The following AGBL1 variants were observed in gnomAD, a reference collection of about 807,000 sequenced individuals.
The protein encoded by AGBL1 is cytosolic carboxypeptidase 4.
A neutral mutation model predicts 118.9 loss-of-function variants in AGBL1; 130 were observed. The observed-to-expected ratio is 1.09, with a 90% CI of 0.95 to 1.26. AGBL1 has a LOEUF of 1.26. Among genes scored for constraint, AGBL1 ranks in the 50% most tolerant of loss-of-function variants. The probability of loss-of-function intolerance (pLI) is 0.00; values close to 1 mark genes in which losing one functional copy is unlikely to be tolerated. For missense variants in AGBL1, 1,584 were observed against 1,298.1 expected (o/e 1.22, Z -3.38); for synonymous variants, 555 against 478.9 (o/e 1.16, Z -2.08).
chr15:86,101,478 C>G (rs955389663), intron 1 of AGBL1, among the ~76,000 whole-genome samples: 6 of 151,854 alleles, frequency 4.0e-5, no homozygotes, highest in African/African-American at 7.3e-5. Context: ...CTGAAGTCCC[C>G]AACTATTATT....
At chr15:86,273,544 A>G (rs989496851) in intron 15 of AGBL1, among the ~76,000 whole-genome samples, 4 of 152,174 alleles carry the variant, frequency 2.6e-5, no homozygotes, top group African/African-American at 9.7e-5. Context: ...GCCTCTCTCA[A>G]TTGTAAAATG....
chr15:86,686,040 T>G (rs2142582776), intron 22 of AGBL1, among the ~76,000 whole-genome samples: 1 of 152,342 alleles, frequency 6.6e-6, no homozygotes, highest in Non-Finnish European at 1.5e-5. Context: ...GCAAAACTAG[T>G]TAGCCTGCCT....
At chr15:86,216,921 C>A (rs550685566) in intron 5 of AGBL1, among the ~76,000 whole-genome samples, 7 of 152,292 alleles carry the variant, frequency 4.6e-5, no homozygotes, top group Non-Finnish European at 1.0e-4. Context: ...GCTATTGTCA[C>A]CTTACAGTGT....
At chr15:86,727,415 T>C (rs1237584913) in intron 22 of AGBL1, among the ~76,000 whole-genome samples, 1 of 152,148 alleles carries the variant, frequency 6.6e-6, no homozygotes, top group South Asian at 2.1e-4. Context: ...TATCATTAAT[T>C]TTTTTTAAAT....
chr15:86,124,424 T>C (rs1297947898), intron 1 of AGBL1, among the ~76,000 whole-genome samples: 7 of 152,114 alleles, frequency 4.6e-5, no homozygotes, highest in South Asian at 2.1e-4. Context: ...TTTTTTAGTT[T>C]TGACAAATGT....
intron 21 of AGBL1, among the ~76,000 whole-genome samples, chr15:86,583,176 G>A (rs965517754): frequency 5.9e-5 from 9 of 151,864 alleles, no homozygotes; most frequent in African/African-American, 1.9e-4. Flanking sequence ...CAACTTTTAT[G>A]TTAGAGTCAG....
chr15:86,591,650 T>C (rs1250508780), intron 21 of AGBL1, among the ~76,000 whole-genome samples: 2 of 152,234 alleles, frequency 1.3e-5, no homozygotes, highest in East Asian at 3.9e-4. Flanking sequence ...TTCCATCCCC[T>C]CTCTAGGTGG....
chr15:86,362,851 C>T (rs1158043723), intron 17 of AGBL1, among the ~76,000 whole-genome samples: 1 of 152,202 alleles, frequency 6.6e-6, no homozygotes, highest in East Asian at 1.9e-4. Context: ...TCACCCAGTT[C>T]CCTGGGTGGG....
At chr15:86,646,885 T>C (rs2085287749) in intron 21 of AGBL1, among the ~76,000 whole-genome samples, 4 of 152,226 alleles carry the variant, frequency 2.6e-5, no homozygotes, top group Admixed American at 2.6e-4. Flanking sequence ...CTAAAAGATA[T>C]ATTTTAAAAA....
At chr15:86,536,525 G>A (rs930128627) in intron 19 of AGBL1, among the ~76,000 whole-genome samples, 1 of 152,086 alleles carries the variant, frequency 6.6e-6, no homozygotes, top group Non-Finnish European at 1.5e-5. Context: ...TGGCTAGGAT[G>A]GTCTCTATCT....
At chr15:86,819,810 T>C (rs1304694466) in intron 22 of AGBL1, among the ~76,000 whole-genome samples, 3 of 151,364 alleles carry the variant, frequency 2.0e-5, no homozygotes, top group African/African-American at 7.3e-5. Flanking sequence ...TCATATGGAA[T>C]CAAAAAAGAG....
At chr15:86,356,295 C>G (rs1357987712) in intron 17 of AGBL1, among the ~76,000 whole-genome samples, 2 of 151,734 alleles carry the variant, frequency 1.3e-5, no homozygotes, top group Admixed American at 1.3e-4. Context: ...AGTAGAATAA[C>G]TTAGAAAAAG....
chr15:86,087,634 T>C (rs897762034), intron 1 of AGBL1, among the ~76,000 whole-genome samples: 1 of 152,176 alleles, frequency 6.6e-6, no homozygotes, highest in South Asian at 2.1e-4. Context: ...CCCGCCCTCA[T>C]TTAATCTTTG....
chr15:86,365,028 CACACACATATATAT>C (rs376404171), intron 17 of AGBL1, among the ~76,000 whole-genome samples: 3,574 of 101,890 alleles, frequency 0.035, 312 homozygotes, highest in African/African-American at 0.064. Flanking sequence ...TATATATATA[CACACACATATATAT>C]ACACACATAT....
At chr15:86,799,593 G>A (rs1039236124) in intron 22 of AGBL1, among the ~76,000 whole-genome samples, 20 of 152,200 alleles carry the variant, frequency 1.3e-4, no homozygotes, top group Admixed American at 8.5e-4. Context: ...ACGGAATTAT[G>A]TAAAATCTAG....
At chr15:87,002,370 G>C (rs986102210) in intron 24 of AGBL1, among the ~76,000 whole-genome samples, 1 of 151,908 alleles carries the variant, frequency 6.6e-6, no homozygotes, top group African/African-American at 2.4e-5. Context: ...ATGCTGTTTT[G>C]GTTACTGTAG....
intron 22 of AGBL1, among the ~76,000 whole-genome samples, chr15:86,760,769 C>T (rs561729420): frequency 1.8e-4 from 28 of 152,144 alleles, no homozygotes; most frequent in South Asian, 1.2e-3. Flanking sequence ...AAAGTGAGGA[C>T]GTTGGCTGGT....
intron 7 of AGBL1, among the ~76,000 whole-genome samples, chr15:86,254,359 G>C (rs1238482792): frequency 6.6e-6 from 1 of 152,238 alleles, no homozygotes; most frequent in Non-Finnish European, 1.5e-5. Flanking sequence ...ACAGAGAAGT[G>C]TATTAATTTG....
At chr15:86,973,472 C>T (rs1189020106) in intron 23 of AGBL1, among the ~76,000 whole-genome samples, 1 of 151,928 alleles carries the variant, frequency 6.6e-6, no homozygotes, top group Admixed American at 6.6e-5. Flanking sequence ...AGCCTACATT[C>T]CTCTTCAGGG....
Sources: gnomAD v4.1 joint callset for allele counts (sites outside exome capture counted in the v4.1 genomes callset) on GRCh38, gnomAD v4.1.1 for gene constraint, MANE v1.5 for transcripts, NCBI Gene and HGNC (gene_info 2026-07-23, HGNC 2026-07-21) for gene names.